Variants in RNF38 observed in about 807,000 individuals in gnomAD.
RNF38 encodes ring finger protein 38, also known as E3 ubiquitin-protein ligase RNF38.
RNF38 carries 15 observed loss-of-function variants against 67.2 expected under a neutral mutation model. The observed-to-expected ratio is 0.22, with a 90% CI of 0.15 to 0.34. The LOEUF (loss-of-function observed/expected upper bound fraction) is 0.34. RNF38 is among the 10% of genes least tolerant of loss of function. The probability of loss-of-function intolerance (pLI) is 1.00; values close to 1 mark genes in which losing one functional copy is unlikely to be tolerated. For synonymous variants in RNF38, 220 were observed against 218.8 expected, an observed-to-expected ratio of 1.01 and a Z score of -0.05; for missense variants, 524 against 639.9, an observed-to-expected ratio of 0.82 and a Z score of 1.95.
intron 9 of RNF38, among the ~76,000 whole-genome samples, chr9:36,346,392 C>G (rs553030027): frequency 6.6e-6 from 1 of 151,968 alleles, no homozygotes; most frequent in Admixed American, 6.6e-5. Context: ...GGTTTTGCCA[C>G]GTTGACCAGG....
chr9:36,435,515 G>A (rs996752991), intron 1 of RNF38, among the ~76,000 whole-genome samples: 1 of 152,052 alleles, frequency 6.6e-6, no homozygotes, highest in Admixed American at 6.5e-5. Flanking sequence ...TGAATAACAG[G>A]CATCATTTAG....
intron 1 of RNF38, among the ~76,000 whole-genome samples, chr9:36,395,727 G>A (rs1023437084): frequency 2.0e-5 from 3 of 152,040 alleles, no homozygotes; most frequent in Non-Finnish European, 4.4e-5. Context: ...ACCAAAATAC[G>A]AGAAAAGCCA....
chr9:36,360,610 AGG>A (rs1403065608), intron 4 of RNF38, among the ~76,000 whole-genome samples: 1 of 152,230 alleles, frequency 6.6e-6, no homozygotes, highest in East Asian at 1.9e-4. Context: ...TACTCAAATT[AGG>A]GGTGTCCAAC....
chr9:36,441,524 C>A (rs1839190901), intron 1 of RNF38, among the ~76,000 whole-genome samples: 1 of 152,086 alleles, frequency 6.6e-6, no homozygotes, highest in Non-Finnish European at 1.5e-5. Context: ...GGGGTTTCAC[C>A]ACACTGGCTG....
chr9:36,480,799 C>T (rs1396065078), intron 1 of RNF38, among the ~76,000 whole-genome samples: 1 of 151,848 alleles, frequency 6.6e-6, no homozygotes, highest in Non-Finnish European at 1.5e-5. Context: ...ATCCACCCGC[C>T]TTGGCCTCCC....
chr9:36,424,437 G>C (rs1838719141), intron 2 of RNF38, among the ~76,000 whole-genome samples: 1 of 152,170 alleles, frequency 6.6e-6, no homozygotes, highest in South Asian at 2.1e-4. Context: ...ATTTGCCCTA[G>C]GTTTTCTGGA....
chr9:36,400,615 C>T (rs1371897257), upstream of RNF38: 1 of 985,964 alleles, frequency 1.0e-6, no homozygotes, highest in Non-Finnish European at 1.2e-6. Context: ...GCCGCCGCCT[C>T]CTATTGTGAC....
rs534222676 is a variant in RNF38 at position 36,486,146 on chromosome 9, T to C, written n.241+1162A>G. ...CAATGACTGAATACCCTCTCCTTTT[T>C]CCCCATTCTATTTTCTAGCTCCACG... is the stretch of plus-strand genomic sequence containing the variant. On this transcript the variant is annotated intron_variant and non_coding_transcript_variant, in intron 1 of 3. Coordinates refer to the RNF38 transcript ENST00000488058. Among the ~76,000 whole-genome samples, 16 of 152,110 alleles carry C rather than the reference T, an allele frequency of 1.1e-4. 1 individual carries two copies. In the South Asian group the frequency reaches 2.9e-3, roughly 28 times the overall value.
chr9:36,440,316 G>C (rs1056807279), intron 1 of RNF38, among the ~76,000 whole-genome samples: 9 of 152,072 alleles, frequency 5.9e-5, no homozygotes, highest in Non-Finnish European at 8.8e-5. Flanking sequence ...TTGGGAGATG[G>C]GCGGATCACC....
intron 1 of RNF38, among the ~76,000 whole-genome samples, chr9:36,448,726 C>T (rs180742886): frequency 1.2e-4 from 19 of 152,238 alleles, no homozygotes; most frequent in East Asian, 5.8e-4. Context: ...CCAAATGGGC[C>T]GGGCGCGGTG....
chr9:36,362,698 A>G (rs1268648363), intron 4 of RNF38, among the ~76,000 whole-genome samples: 1 of 151,794 alleles, frequency 6.6e-6, no homozygotes, highest in African/African-American at 2.4e-5. Flanking sequence ...TCACCAGGCA[A>G]TCTTGGCTCA....
intron 3 of RNF38, among the ~76,000 whole-genome samples, chr9:36,370,278 A>G (rs1217246074): frequency 3.3e-5 from 5 of 152,176 alleles, no homozygotes; most frequent in Admixed American, 6.5e-5. Context: ...CCCTTTTTAA[A>G]TATTATAATA....
At chr9:36,442,428 C>CA (rs1839211997) in intron 1 of RNF38, among the ~76,000 whole-genome samples, 1 of 152,168 alleles carries the variant, frequency 6.6e-6, no homozygotes, top group African/African-American at 2.4e-5. Context: ...CCAAAAAAGT[C>CA]AGATAGTGAC....
intron 1 of RNF38, among the ~76,000 whole-genome samples, chr9:36,430,756 T>C (rs1027699357): frequency 3.9e-5 from 6 of 152,104 alleles, no homozygotes; most frequent in Non-Finnish European, 8.8e-5. Context: ...CGGTTTCCAA[T>C]TTCCAGAGCA....
chr9:36,356,155 A>G, intron 6 of RNF38, 148 bp downstream of exon 6: 1 of 766,304 alleles, frequency 1.3e-6, no homozygotes, highest in East Asian at 2.8e-5. Context: ...CCAAGTTACT[A>G]TGTTTAAGCA....
Position 36,470,088 on chromosome 9 carries a change from C to T in RNF38, n.241+17220G>A, listed in dbSNP as rs539284122. 6.6e-5 allele frequency among the ~76,000 whole-genome samples: 10 copies of T among 152,314 alleles called. No individual in the cohort carries two copies. In the South Asian group the frequency reaches 2.1e-3, roughly 32 times the overall value. On this transcript the variant is annotated intron_variant and non_coding_transcript_variant, in intron 1 of 3. Transcript: ENST00000488058. ...CCACCACAGTGGCTCTCAGAACACA[C>T]CCTGCCCTTCATGTGCATTAGCATC...
chr9:36,359,190 CTTG>C (rs1288980964), intron 4 of RNF38, among the ~76,000 whole-genome samples: 1 of 151,572 alleles, frequency 6.6e-6, no homozygotes, highest in Non-Finnish European at 1.5e-5. Flanking sequence ...GAATCTATTG[CTTG>C]TTGTGTGTAA....
chr9:36,409,717 C>G (rs1486077500), intron 2 of RNF38, among the ~76,000 whole-genome samples: 2 of 152,188 alleles, frequency 1.3e-5, no homozygotes, highest in Non-Finnish European at 2.9e-5. Flanking sequence ...TTTTAGGATC[C>G]TAACACGAAT....
rs376213896 is a variant in RNF38, at chr9:36,376,674, C to T, written c.163-547G>A. Among the ~76,000 whole-genome samples the T allele has an allele frequency of 7.4e-4, 113 of 152,096 alleles. 2 individuals carry two copies. The South Asian group carries it at 0.022, about 30-fold the overall frequency. On this transcript the variant is annotated intron_variant, in intron 2 of 11. Transcript: ENST00000259605. ...GGCACAGTGGCTCACACCTGTAATC[C>T]CAGCACTTTGGGAGGCAGAGGCGGG... is the stretch of plus-strand genomic sequence containing the variant.
Sources: gnomAD v4.1 joint callset for allele counts (sites outside exome capture counted in the v4.1 genomes callset) on GRCh38, gnomAD v4.1.1 for gene constraint, MANE v1.5 for transcripts, NCBI Gene and HGNC (gene_info 2026-07-23, HGNC 2026-07-21) for gene names.